Variants in KRABD4 observed in about 807,000 individuals in gnomAD.
KRABD4 encodes KRAB domain containing 4.
the KRABD4 span, among the ~76,000 whole-genome samples, chrX:46,453,619 A>G: frequency 9.0e-6 from 1 of 111,482 alleles, no homozygotes; most frequent in Admixed American, 9.5e-5. Context: ...GTATGAATTA[A>G]TTTTTTTTAT....
At chrX:46,471,456 G>C in the KRABD4 span, among the ~76,000 whole-genome samples, 37 of 100,470 alleles carry the variant, frequency 3.7e-4, no homozygotes, top group African/African-American at 1.3e-3. Context: ...AGTATGGTAC[G>C]TGTGTTACAA....
At chrX:46,450,509 G>A in the KRABD4 span, 118 of 1,172,747 alleles carry the variant, frequency 1.0e-4, no homozygotes, top group African/African-American at 1.7e-3. Flanking sequence ...TTTGTTTCCA[G>A]TGAAATTGAG....
At chrX:46,461,219 C>T in the KRABD4 span, among the ~76,000 whole-genome samples, 5 of 111,111 alleles carry the variant, frequency 4.5e-5, no homozygotes, top group African/African-American at 6.6e-5. Flanking sequence ...TTTCTGAGCA[C>T]ATTGCCACTC....
the KRABD4 span, chrX:46,455,404 A>G: frequency 2.2e-6 from 1 of 458,396 alleles, no homozygotes; most frequent in South Asian, 2.7e-5. Context: ...GGCAATGTGT[A>G]GAGTAGGCTG....
the KRABD4 span, chrX:46,474,355 A>G: frequency 9.0e-6 from 1 of 111,677 alleles, no homozygotes; most frequent in Non-Finnish European, 1.9e-5. Flanking sequence ...GACGAAAAAG[A>G]CATTAAATTT....
chrX:46,470,165 C>T, the KRABD4 span, among the ~76,000 whole-genome samples: 1 of 110,906 alleles, frequency 9.0e-6, no homozygotes, highest in Non-Finnish European at 1.9e-5. Context: ...ATTCCCATGC[C>T]CTTGTAGGAA....
chrX:46,454,672 C>T, the KRABD4 span, among the ~76,000 whole-genome samples: 33 of 110,174 alleles, frequency 3.0e-4, no homozygotes, highest in African/African-American at 9.6e-4. Context: ...CGTGGTGGTG[C>T]GTGCCTGTAA....
the KRABD4 span, among the ~76,000 whole-genome samples, chrX:46,466,655 C>T: frequency 3.6e-5 from 4 of 112,360 alleles, no homozygotes; most frequent in African/African-American, 1.3e-4. Context: ...GATCTTTGGC[C>T]ATACATGTTA....
At chrX:46,448,907 C>A in the KRABD4 span, among the ~76,000 whole-genome samples, 1 of 112,443 alleles carries the variant, frequency 8.9e-6, no homozygotes, top group Non-Finnish European at 1.9e-5. Flanking sequence ...GACCAAAGTG[C>A]AGAAAATATA....
chrX:46,462,575 C>T, the KRABD4 span: 1 of 834,889 alleles, frequency 1.2e-6, no homozygotes, highest in Non-Finnish European at 1.7e-6. Context: ...TTCGACTCCC[C>T]TCATTCCTGG....
At chrX:46,473,653 ATC>A in the KRABD4 span, 2 of 209,752 alleles carry the variant, frequency 9.5e-6, no homozygotes, top group East Asian at 8.4e-5. Flanking sequence ...AAATCAGTGA[ATC>A]TTTTTTTTTT....
At chrX:46,473,614 A>G in the KRABD4 span, 1 of 412,157 alleles carries the variant, frequency 2.4e-6, no homozygotes, top group African/African-American at 2.5e-5. Flanking sequence ...GAAATTTTGC[A>G]CTGTCCTGCT....
chrX:46,450,705 C>CTT, the KRABD4 span, among the ~76,000 whole-genome samples: 30 of 88,395 alleles, frequency 3.4e-4, 1 homozygote, highest in Admixed American at 1.5e-3. Flanking sequence ...TTTTCTTTCT[C>CTT]TTTTTTTTTT....
At chrX:46,467,483 A>G in the KRABD4 span, among the ~76,000 whole-genome samples, 7 of 110,868 alleles carry the variant, frequency 6.3e-5, no homozygotes, top group Non-Finnish European at 9.4e-5. Flanking sequence ...TGAACCCAGG[A>G]GGTGGAGATT....
chrX:46,470,276 A>G, the KRABD4 span, among the ~76,000 whole-genome samples: 2 of 111,516 alleles, frequency 1.8e-5, no homozygotes, highest in Non-Finnish European at 3.8e-5. Flanking sequence ...ACATTGAGAA[A>G]GTCAAGATAC....
the KRABD4 span, chrX:46,462,700 G>C: frequency 1.7e-6 from 2 of 1,211,086 alleles, no homozygotes; most frequent in East Asian, 5.9e-5. Context: ...CCATGTCCCA[G>C]TGCCCCAGGC....
chrX:46,459,572 T>G, the KRABD4 span, among the ~76,000 whole-genome samples: 3 of 111,706 alleles, frequency 2.7e-5, no homozygotes, highest in African/African-American at 9.8e-5. Context: ...CCTCCATAAA[T>G]GCCTAGCCAG....
chrX:46,460,194 C>T, the KRABD4 span, among the ~76,000 whole-genome samples: 5 of 111,472 alleles, frequency 4.5e-5, no homozygotes, highest in Admixed American at 9.5e-5. Context: ...CCAAGGCGGG[C>T]GGATCACCTG....
the KRABD4 span, among the ~76,000 whole-genome samples, chrX:46,470,790 T>C: frequency 9.0e-6 from 1 of 111,363 alleles, no homozygotes; most frequent in Non-Finnish European, 1.9e-5. Context: ...TAGAAGTAAG[T>C]ATATCTTTAA....
Sources: gnomAD v4.1 joint callset for allele counts (sites outside exome capture counted in the v4.1 genomes callset) on GRCh38, gnomAD v4.1.1 for gene constraint, MANE v1.5 for transcripts, NCBI Gene and HGNC (gene_info 2026-07-23, HGNC 2026-07-21) for gene names.